NRXN1: variants seen among roughly 807,000 people sequenced by gnomAD.
NRXN1 encodes neurexin-1.
A neutral mutation model predicts 150.9 loss-of-function variants in NRXN1; 39 were observed. The ratio of observed to expected loss-of-function variants is 0.26; its 90% confidence interval spans 0.20 to 0.34. NRXN1 has a LOEUF of 0.34. NRXN1 is among the 10% of genes least tolerant of loss of function. The pLI is 1.00. For missense variants in NRXN1, 1,815 were observed against 1,949.9 expected (o/e 0.93, Z 1.30); for synonymous variants, 924 against 757.0 (o/e 1.22, Z -3.62).
rs2105318974 is a variant in NRXN1, at chr2:51,026,485, G to C, written c.772+1017C>G. On this transcript the variant is annotated intron_variant, in intron 2 of 22. Coordinates refer to ENST00000401669, the MANE Select transcript of NRXN1 (RefSeq NM_001330078.2). ...AATTTTATTTCTAAAGAGGAGAAAA[G>C]AGAACTTAGGTATGACTTTTGTAGT... The C allele has an allele frequency of 1.4e-5, 21 of 1,541,708 alleles. No individual in the cohort carries two copies. The highest frequency in any genetic ancestry group is 1.8e-5 in the Non-Finnish European group (20 of 1,126,140).
intron 17 of NRXN1, among the ~76,000 whole-genome samples, chr2:50,311,118 T>C (rs2075143751): frequency 6.6e-6 from 1 of 152,102 alleles, no homozygotes; most frequent in South Asian, 2.1e-4. Flanking sequence ...AGTAATGCTA[T>C]CTATTCTTCT....
At chr2:50,246,720 C>T (rs2066536997) in intron 17 of NRXN1, among the ~76,000 whole-genome samples, 2 of 124,120 alleles carry the variant, frequency 1.6e-5, no homozygotes, top group Non-Finnish European at 3.6e-5. Flanking sequence ...CTGGTTTAGG[C>T]TTCTCTGCTG....
chr2:50,420,961 CCTGT>C (rs1189481937), intron 17 of NRXN1, among the ~76,000 whole-genome samples: 3 of 115,550 alleles, frequency 2.6e-5, no homozygotes, highest in South Asian at 2.9e-4. Flanking sequence ...TCAAAATAGA[CCTGT>C]GTGTGTGTGT....
At chr2:50,960,943 C>T (rs1693074426) in intron 2 of NRXN1, among the ~76,000 whole-genome samples, 1 of 151,960 alleles carries the variant, frequency 6.6e-6, no homozygotes, top group Non-Finnish European at 1.5e-5. Context: ...ATTTAAGCAA[C>T]TGTCTCTGTT....
chr2:50,480,836 A>C (rs754165312), intron 15 of NRXN1, among the ~76,000 whole-genome samples: 24 of 152,136 alleles, frequency 1.6e-4, no homozygotes, highest in Non-Finnish European at 3.2e-4. Context: ...TGAAATGTAC[A>C]GAGTCCTGAG....
At chr2:50,116,219 T>G (rs1437406934) in intron 18 of NRXN1, among the ~76,000 whole-genome samples, 2 of 152,032 alleles carry the variant, frequency 1.3e-5, no homozygotes, top group East Asian at 3.9e-4. Flanking sequence ...TTGAAGTTTA[T>G]CAGAAAGATT....
chr2:50,612,163 CT>C (rs1184761183), intron 8 of NRXN1, among the ~76,000 whole-genome samples: 2 of 152,064 alleles, frequency 1.3e-5, no homozygotes, highest in African/African-American at 4.8e-5. Flanking sequence ...TTATTTTCCC[CT>C]AGGTCAGTTA....
chr2:50,098,558 T>G (rs1285804277), intron 18 of NRXN1, among the ~76,000 whole-genome samples: 3 of 152,030 alleles, frequency 2.0e-5, no homozygotes, highest in Non-Finnish European at 4.4e-5. Context: ...TGCCAGGTAT[T>G]GAGCTCTATA....
chr2:50,747,951 T>G (rs2105313195), intron 5 of NRXN1, among the ~76,000 whole-genome samples: 1 of 152,288 alleles, frequency 6.6e-6, no homozygotes, highest in Middle Eastern at 3.4e-3. Flanking sequence ...CTGTCCTAGC[T>G]GTGGCTAAAC....
intron 2 of NRXN1, among the ~76,000 whole-genome samples, chr2:50,981,628 A>T (rs77782340): frequency 0.018 from 2,745 of 152,034 alleles, 88 homozygotes; most frequent in African/African-American, 0.064. Context: ...TTTATTCAAA[A>T]GTTTTTAACC....
At chr2:50,885,385 C>CA (rs1680074494) in intron 5 of NRXN1, among the ~76,000 whole-genome samples, 1 of 138,608 alleles carries the variant, frequency 7.2e-6, no homozygotes, top group Admixed American at 7.4e-5. Context: ...CCATAAACTA[C>CA]CAAAAAAAAA....
rs915960368 is a variant in NRXN1 at position 50,822,784 on chromosome 2, AAATAAT to A, written c.832+99079_832+99084del. Reference sequence around the variant, plus strand: ...TGAGAACTCTTTAGCTTAATTATGAAAATAATAATAATAGAGTTAAGGGTCTGTCAA... The same window carrying A: ...TGAGAACTCTTTAGCTTAATTATGAAAATAATAGAGTTAAGGGTCTGTCAA... On this transcript the variant is annotated intron_variant, in intron 5 of 22. Coordinates refer to ENST00000401669, the MANE Select transcript of NRXN1 (RefSeq NM_001330078.2). Among the ~76,000 whole-genome samples the A allele has an allele frequency of 7.2e-5, 11 of 152,288 alleles. No homozygotes were observed. The Middle Eastern group carries it at 0.01, about 141-fold the overall frequency.
intron 22 of NRXN1, among the ~76,000 whole-genome samples, chr2:49,934,645 C>T (rs551948387): frequency 2.2e-4 from 33 of 152,068 alleles, no homozygotes; most frequent in Admixed American, 1.4e-3. Flanking sequence ...TTAGGAAATA[C>T]GAAAGACAAG....
chr2:50,746,127 G>A (rs1460272993), intron 5 of NRXN1, among the ~76,000 whole-genome samples: 2 of 152,014 alleles, frequency 1.3e-5, no homozygotes, highest in African/African-American at 4.8e-5. Flanking sequence ...TTTTGCCGTA[G>A]AAAAATTGTT....
intron 17 of NRXN1, among the ~76,000 whole-genome samples, chr2:50,304,817 G>C (rs2152957531): frequency 6.6e-6 from 1 of 152,260 alleles, no homozygotes. Context: ...CTGAGACCGA[G>C]TGTGGTGGCT....
intron 22 of NRXN1, among the ~76,000 whole-genome samples, chr2:49,934,884 T>C (rs980504391): frequency 2.0e-5 from 3 of 152,152 alleles, no homozygotes; most frequent in East Asian, 1.9e-4. Flanking sequence ...CCTCCTACCA[T>C]AGGAACCTAA....
chr2:50,045,729 T>C (rs182663243), intron 21 of NRXN1, among the ~76,000 whole-genome samples: 2 of 152,300 alleles, frequency 1.3e-5, no homozygotes, highest in African/African-American at 4.8e-5. Context: ...AATAAAAAGA[T>C]ATTACTTTGT....
chr2:50,067,618 A>G (rs1281464375), intron 19 of NRXN1, among the ~76,000 whole-genome samples: 1 of 152,210 alleles, frequency 6.6e-6, no homozygotes, highest in African/African-American at 2.4e-5. Flanking sequence ...CATGCATACT[A>G]AAGAGTTATT....
At chr2:50,180,265 T>A (rs1387590917) in intron 18 of NRXN1, among the ~76,000 whole-genome samples, 1 of 152,122 alleles carries the variant, frequency 6.6e-6, no homozygotes, top group Non-Finnish European at 1.5e-5. Context: ...CTTCAAGGAA[T>A]TCTCCTGCCT....
Sources: allele counts gnomAD v4.1 joint callset (sites outside exome capture counted in the v4.1 genomes callset), GRCh38; gene constraint gnomAD v4.1.1; transcripts MANE v1.5; gene names NCBI Gene and HGNC (gene_info 2026-07-23, HGNC 2026-07-21).